Variants in ANKRD29 observed in about 807,000 individuals in gnomAD.
The protein encoded by ANKRD29 is ankyrin repeat domain-containing protein 29.
Under a neutral mutation model 38.0 loss-of-function variants are expected in ANKRD29, and 32 were observed. That is an observed-to-expected ratio of 0.84 (90% CI 0.64 to 1.13). The LOEUF is 1.13. Ranked by LOEUF, ANKRD29 falls within the 50% of genes most tolerant of loss-of-function variation. The pLI is 0.00. For synonymous variants in ANKRD29, 135 were observed against 152.4 expected (o/e 0.89, Z 0.84); for missense variants, 357 against 377.9 (o/e 0.94, Z 0.46).
chr18:23,655,939 A>G (rs1414734175), intron 1 of ANKRD29, among the ~76,000 whole-genome samples: 13 of 150,034 alleles, frequency 8.7e-5, no homozygotes, highest in Non-Finnish European at 1.9e-4. Flanking sequence ...TAAAAATACA[A>G]AAAATTAGCC....
At chr18:23,622,010 C>G (rs996373469) in intron 6 of ANKRD29, among the ~76,000 whole-genome samples, 4 of 151,984 alleles carry the variant, frequency 2.6e-5, no homozygotes, top group African/African-American at 9.7e-5. Context: ...AAAATAAGTC[C>G]TGGAGAAGAG....
At chr18:23,621,450 T>G (rs562543797) in intron 6 of ANKRD29, among the ~76,000 whole-genome samples, 1 of 147,864 alleles carries the variant, frequency 6.8e-6, no homozygotes, top group East Asian at 2.0e-4. Context: ...GGGACCTGTC[T>G]TGGGAGAGAC....
intron 8 of ANKRD29, among the ~76,000 whole-genome samples, chr18:23,612,786 T>G (rs1234704897): frequency 6.6e-6 from 1 of 152,120 alleles, no homozygotes; most frequent in Non-Finnish European, 1.5e-5. Context: ...GTTGTTAATG[T>G]TTTATGACAT....
intron 4 of ANKRD29, among the ~76,000 whole-genome samples, chr18:23,637,995 T>TTC (rs2060024241): frequency 5.0e-5 from 1 of 20,078 alleles, no homozygotes; most frequent in Admixed American, 7.8e-4. Context: ...CAATTACTTC[T>TTC]TTTTTTTTTT....
intron 8 of ANKRD29, among the ~76,000 whole-genome samples, chr18:23,613,648 T>G (rs867162326): frequency 4.6e-5 from 7 of 151,640 alleles, no homozygotes; most frequent in South Asian, 2.1e-4. Context: ...CACCCAGGCT[T>G]GAGTGCAGTG....
chr18:23,650,901 A>T (rs2060202568), intron 1 of ANKRD29, among the ~76,000 whole-genome samples: 5 of 152,254 alleles, frequency 3.3e-5, no homozygotes, highest in Admixed American at 2.6e-4. Context: ...GAAATTTTAT[A>T]AAAGTATTCA....
chr18:23,607,989 A>T (rs1402813932), intron 9 of ANKRD29, among the ~76,000 whole-genome samples: 1 of 152,218 alleles, frequency 6.6e-6, no homozygotes. Context: ...GAAGCCCCAG[A>T]GCAGAAGTCT....
At chr18:23,662,639 CCCACCCGACCCCGCGGGCCCGG>C (rs2060381063) in intron 1 of ANKRD29, 49 bp downstream of exon 1, 1 of 566,658 alleles carries the variant, frequency 1.8e-6, no homozygotes, top group Non-Finnish European at 2.9e-6. Flanking sequence ...CCCATCCCAC[CCCACCCGACCCCGCGGGCCCGG>C]CCGCCCGAGC....
intron 8 of ANKRD29, 66 bp downstream of exon 8, chr18:23,617,666 C>G (rs573084609): frequency 7.2e-7 from 1 of 1,390,366 alleles, no homozygotes; most frequent in East Asian, 2.3e-5. Flanking sequence ...CGACACAGTC[C>G]CCAAGTGAGG....
chr18:23,619,622 G>GTCCC lies in ANKRD29; in HGVS notation c.532_535dup (p.Thr179ArgfsTer47), dbSNP rs752638736. ...CTGGGACGCGATCCACAGGGGCGCTGTCCCGTCCTGCGGGAAGAGGAGGCG... is the reference window on the plus strand; with the variant it reads ...CTGGGACGCGATCCACAGGGGCGCTGTCCCTCCCGTCCTGCGGGAAGAGGAGGCG... On this transcript the variant is annotated frameshift_variant, in exon 7 of 10. Transcript: ENST00000592179. LOFTEE classifies it high-confidence loss of function. 1 of 1,582,370 alleles carries GTCCC rather than the reference G, an allele frequency of 6.3e-7. No individual in the cohort carries two copies.
intron 9 of ANKRD29, among the ~76,000 whole-genome samples, chr18:23,609,559 C>T (rs1287326129): frequency 6.6e-6 from 1 of 152,176 alleles, no homozygotes; most frequent in African/African-American, 2.4e-5. Context: ...CAAGGTGAAC[C>T]CATTGGGCGG....
At chr18:23,660,144 C>T (rs1473321110) in intron 1 of ANKRD29, among the ~76,000 whole-genome samples, 1 of 152,114 alleles carries the variant, frequency 6.6e-6, no homozygotes, top group African/African-American at 2.4e-5. Context: ...ATAAAAATGA[C>T]TGCATCACTT....
rs200493996 is a variant in ANKRD29, at chr18:23,649,075, C to A, written c.132+8G>T. ...CATGCTGGGCATGCATCTACCGAAC[C>A]ACCGTACGCTGTCTCTGCAGTCCAC... is the stretch of plus-strand genomic sequence containing the variant. On this transcript the variant is annotated splice_region_variant and intron_variant, in intron 2 of 9. Coordinates refer to ENST00000592179, the MANE Select transcript of ANKRD29 (RefSeq NM_173505.4). The A allele has an allele frequency of 9.3e-6, 15 of 1,611,816 alleles. No homozygotes were observed. In the African/African-American group the frequency reaches 9.3e-5, roughly 10 times the overall value.
chr18:23,656,019 G>A (rs1598546998), intron 1 of ANKRD29, among the ~76,000 whole-genome samples: 1 of 149,838 alleles, frequency 6.7e-6, no homozygotes, highest in South Asian at 2.1e-4. Flanking sequence ...CGTGAACCCG[G>A]GAGGCGGAGC....
chr18:23,637,173 T>C (rs1212633645), intron 4 of ANKRD29, among the ~76,000 whole-genome samples: 3 of 152,218 alleles, frequency 2.0e-5, no homozygotes, highest in African/African-American at 4.8e-5. Context: ...CACGATCATT[T>C]TGACCTTCGT....
Position 23,599,817 on chromosome 18 carries a change from A to C in ANKRD29, c.*1409T>G, listed in dbSNP as rs889297936. The C allele has an allele frequency of 6.6e-6, 1 of 152,176 alleles. No homozygotes were observed. The highest frequency in any genetic ancestry group is 1.5e-5 in the Non-Finnish European group (1 of 68,034). The allele number at this position is 152,176 out of a possible 1,614,324, so 9.4% of individuals were successfully genotyped here. ...GATTTTTGTTGCATTAATTGTTATA[A>C]ATTTTAAGAGAATATCTTCTAATTT... On this transcript the variant is annotated 3_prime_UTR_variant, in exon 10 of 10. Transcript: ENST00000592179.
In ANKRD29 at chr18:23,612,613, A is replaced by T. The variant is rs577807108; in HGVS notation, c.724-423T>A. On this transcript the variant is annotated intron_variant, in intron 8 of 9. Transcript: ENST00000592179. ...GGTTAGAGGAAGAGCTGTTTAGCCA[A>T]CGGGCTGACCTGTCAGACCAGCTAC... 1.2e-3 allele frequency among the ~76,000 whole-genome samples: 186 copies of T among 152,330 alleles called. 2 individuals are homozygous for T. Among genetic ancestry groups the T allele is most frequent in the Admixed American group, 1.4e-3 (22 of 15,288 alleles).
chr18:23,620,807 C>A (rs1226150379), intron 6 of ANKRD29, among the ~76,000 whole-genome samples: 1 of 152,208 alleles, frequency 6.6e-6, no homozygotes, highest in South Asian at 2.1e-4. Flanking sequence ...CCATGGCCCA[C>A]ATCCACCTAG....
chr18:23,619,556 C>A lies in ANKRD29; in HGVS notation c.602G>T (p.Gly201Val). 1 of 1,596,668 alleles carries A rather than the reference C, an allele frequency of 6.3e-7. No homozygotes were observed. The highest frequency in any genetic ancestry group is 8.5e-7 in the Non-Finnish European group (1 of 1,178,602). Residue 201 changes from glycine (G) to valine (V), a missense_variant, in exon 7 of 10, where the codon GGA (glycine) becomes GTA (valine). Gly to Val is a moderately radical substitution (Grantham distance 109). Coordinates refer to ENST00000592179, the MANE Select transcript of ANKRD29 (RefSeq NM_173505.4). ...GTTCCGCGCAGCGTCGCGGTCGGCT[C>A]CGCGCAGCAGCATCACCCGCACCAC... ...SEVVRVMLLR[G>V]ADRDAARNDG... is the part of the protein sequence containing the mutation.
Sources: gnomAD v4.1 joint callset for allele counts (sites outside exome capture counted in the v4.1 genomes callset) on GRCh38, gnomAD v4.1.1 for gene constraint, MANE v1.5 for transcripts, NCBI Gene and HGNC (gene_info 2026-07-23, HGNC 2026-07-21) for gene names.